Variants in DDR2 observed in about 807,000 individuals in gnomAD.
DDR2 encodes the protein discoidin domain receptor tyrosine kinase 2, also known as discoidin domain-containing receptor 2.
In DDR2, 27 loss-of-function variants were observed where a neutral mutation model predicts 94.9. The ratio of observed to expected loss-of-function variants is 0.28; its 90% CI spans 0.21 to 0.39. The LOEUF is 0.39. Ranked by LOEUF, DDR2 falls within the 10% of genes least tolerant of loss-of-function variation. The pLI is 1.00. For missense variants in DDR2, 783 were observed against 1,076.0 expected (o/e 0.73, Z 3.81); for synonymous variants, 382 against 377.2 (o/e 1.01, Z -0.15).
At chr1:162,779,598 G>T (rs1422797311) in intron 17 of DDR2, among the ~76,000 whole-genome samples, 3 of 152,286 alleles carry the variant, frequency 2.0e-5, no homozygotes, top group Non-Finnish European at 4.4e-5. Context: ...GAATTTAATT[G>T]TATCTTGATA....
chr1:162,731,234 G>A (rs868154546), intron 3 of DDR2, among the ~76,000 whole-genome samples: 1 of 152,204 alleles, frequency 6.6e-6, no homozygotes, highest in Middle Eastern at 3.4e-3. Flanking sequence ...AACTAATCAT[G>A]TTTTACTTTT....
intron 14 of DDR2, 135 bp downstream of exon 14, chr1:162,773,731 CT>C: frequency 3.3e-6 from 4 of 1,220,036 alleles, no homozygotes; most frequent in Non-Finnish European, 4.7e-6. Flanking sequence ...CACTGTTATC[CT>C]TTTTCTTATT....
rs2102136516 is a variant in DDR2, at chr1:162,755,178, C to A, written c.440C>A (p.Pro147His). The change falls in exon 6 of 18, where the codon CCC becomes CAC. Residue 147 changes from proline (P) to histidine (H), a missense_variant. Around this residue, in one of 2 missense-constraint regions of DDR2, gnomAD observed 519 missense variants for 647.9 expected, o/e 0.80. Transcript: ENST00000367921. ...CAGGTGCTGGATGGAAATAGTAACC[C>A]CTATGACATTTTCCTAAAGGACTTG... is the stretch of plus-strand genomic sequence containing the variant. ...GKQVLDGNSN[P>H]YDIFLKDLEP... is the part of the protein sequence containing the mutation. 6.2e-7 allele frequency: 1 copy of A among 1,614,110 alleles called. No homozygotes were observed. Among genetic ancestry groups the A allele is most frequent in the Non-Finnish European group, 8.5e-7 (1 of 1,180,018 alleles).
rs565381901 is a variant in DDR2 at position 162,724,618 on chromosome 1, G to A, written c.82+5473G>A. Among the ~76,000 whole-genome samples, 4 of 152,156 alleles carry A rather than the reference G, an allele frequency of 2.6e-5. No homozygotes were observed. In the East Asian group the frequency reaches 5.8e-4, roughly 22 times the overall value. ...ATTTCCAAATTGGAAACTCATTTTT[G>A]TTTCCCTGGCTTCTCGTCATTCGTG... is the stretch of plus-strand genomic sequence containing the variant. On this transcript the variant is annotated intron_variant, in intron 3 of 17. Transcript: ENST00000367921.
chr1:162,688,310 C>T (rs780051201), intron 2 of DDR2, among the ~76,000 whole-genome samples: 11 of 152,212 alleles, frequency 7.2e-5, no homozygotes, highest in African/African-American at 2.4e-5. Context: ...GTATACTAAT[C>T]GTAGCTAGCC....
Position 162,755,310 on chromosome 1 carries a change from C to A in DDR2, c.565+7C>A. 1.2e-6 allele frequency: 2 copies of A among 1,613,556 alleles called. No homozygotes were observed. The highest frequency in any genetic ancestry group is 2.2e-5 in the East Asian group (1 of 44,860). On this transcript the variant is annotated splice_region_variant and intron_variant, in intron 6 of 17. Transcript: ENST00000367921. ...TACGGCTGTGTCTGGCTAGGTAGGTCACTAGCCCAGGAAGCCTATAGACTT... is the reference window on the plus strand; with the variant it reads ...TACGGCTGTGTCTGGCTAGGTAGGTAACTAGCCCAGGAAGCCTATAGACTT...
chr1:162,631,923 G>C (rs774803277), upstream of DDR2: 4 of 151,986 alleles, frequency 2.6e-5, no homozygotes, highest in East Asian at 1.9e-4. Context: ...TTTTCTTGGT[G>C]GGGGGAGCCG....
intron 2 of DDR2, among the ~76,000 whole-genome samples, chr1:162,716,832 C>A (rs1019557422): frequency 6.6e-6 from 1 of 152,008 alleles, no homozygotes; most frequent in Non-Finnish European, 1.5e-5. Flanking sequence ...TACTCCATCC[C>A]TGTTATTGCC....
chr1:162,770,726 C>A (rs753374340), intron 12 of DDR2: 256 of 686,058 alleles, frequency 3.7e-4, no homozygotes, highest in Non-Finnish European at 3.7e-4. Context: ...TGTGGAGGGA[C>A]CCACATACCA....
rs755331120 is a variant in DDR2, at chr1:162,770,235, T to A, written c.1294-67T>A. 1.6e-5 allele frequency: 23 copies of A among 1,480,712 alleles called. 1 individual carries two copies. The highest frequency in any genetic ancestry group is 3.4e-4 in the Middle Eastern group (2 of 5,810). 91.7% of individuals were successfully genotyped at this position (1,480,712 alleles called of 1,614,324 possible). A position where few individuals can be genotyped will look rare whatever the true frequency, so the allele number is the denominator to read the frequency against. ...TTCATTTGAGTGGGAGAGCTGAGTT[T>A]AAGAAGAGGAGGCATTGACCATCTC... On this transcript the variant is annotated intron_variant, in intron 11 of 17. Coordinates refer to ENST00000367921, the MANE Select transcript of DDR2 (RefSeq NM_006182.4).
At chr1:162,745,688 T>C (rs1390016222) in intron 3 of DDR2, among the ~76,000 whole-genome samples, 3 of 152,206 alleles carry the variant, frequency 2.0e-5, no homozygotes, top group African/African-American at 7.2e-5. Flanking sequence ...ATATGTCTGT[T>C]TTTTCAGGTA....
chr1:162,752,189 G>A (rs186362213), intron 3 of DDR2, among the ~76,000 whole-genome samples: 4 of 151,170 alleles, frequency 2.6e-5, no homozygotes, highest in East Asian at 1.9e-4. Context: ...TTGCTTATCC[G>A]AAATTTAAAT....
intron 16 of DDR2, among the ~76,000 whole-genome samples, chr1:162,777,015 A>G (rs1336555551): frequency 6.6e-6 from 1 of 152,118 alleles, no homozygotes. Flanking sequence ...ATGTTATTTT[A>G]TCTTTTTTCT....
chr1:162,691,018 C>T (rs962410245), intron 2 of DDR2, among the ~76,000 whole-genome samples: 5 of 152,096 alleles, frequency 3.3e-5, no homozygotes, highest in Non-Finnish European at 5.9e-5. Flanking sequence ...AAACCTCTTT[C>T]CCCCCCAGGG....
At chr1:162,686,532 G>T (rs1446813289) in intron 2 of DDR2, among the ~76,000 whole-genome samples, 1 of 152,186 alleles carries the variant, frequency 6.6e-6, no homozygotes, top group Non-Finnish European at 1.5e-5. Context: ...CCATGCCCCT[G>T]CAAAGGATAT....
At chr1:162,768,252 C>A (rs532243280) in intron 11 of DDR2, among the ~76,000 whole-genome samples, 1 of 152,314 alleles carries the variant, frequency 6.6e-6, no homozygotes, top group East Asian at 1.9e-4. Context: ...CAAATAGCAA[C>A]TCCCTTGGAC....
At chr1:162,776,007 G>A (rs1647529933) in intron 15 of DDR2, 129 bp from the exon 16 acceptor site, 2 of 1,289,506 alleles carry the variant, frequency 1.6e-6, no homozygotes, top group Non-Finnish European at 2.2e-6. Context: ...AAACGCAAGG[G>A]ATTCATCAAG....
intron 2 of DDR2, among the ~76,000 whole-genome samples, chr1:162,682,276 C>T (rs1659448841): frequency 6.6e-6 from 1 of 152,190 alleles, no homozygotes; most frequent in African/African-American, 2.4e-5. Context: ...GTCACTTGGC[C>T]TGCCATTGAT....
chr1:162,674,714 G>A (rs1659044756), intron 2 of DDR2, among the ~76,000 whole-genome samples: 2 of 152,180 alleles, frequency 1.3e-5, no homozygotes, highest in Admixed American at 1.3e-4. Flanking sequence ...TCTGCCACCT[G>A]CTAGTATAAA....
Sources: allele counts gnomAD v4.1 joint callset (sites outside exome capture counted in the v4.1 genomes callset), GRCh38; gene constraint gnomAD v4.1.1; regional missense constraint gnomAD v4.1.1; transcripts MANE v1.5; gene names NCBI Gene and HGNC (gene_info 2026-07-23, HGNC 2026-07-21).